ACIN1: variants seen among roughly 807,000 people sequenced by gnomAD.
ACIN1 encodes the protein apoptotic chromatin condensation inducer 1.
In ACIN1, 16 loss-of-function variants were observed where a neutral mutation model predicts 146.6. That is an observed-to-expected ratio of 0.11 (90% CI 0.07 to 0.17). The LOEUF (loss-of-function observed/expected upper bound fraction) is 0.17. Among genes scored for constraint, ACIN1 ranks in the 10% least tolerant of loss-of-function variants. The pLI is 1.00. For synonymous variants in ACIN1, 569 were observed against 582.7 expected (o/e 0.98, Z 0.34); for missense variants, 1,357 against 1,609.3 (o/e 0.84, Z 2.68).
At chr14:23,075,545 A>T (rs2047777175) in intron 8 of ACIN1, among the ~76,000 whole-genome samples, 1 of 152,064 alleles carries the variant, frequency 6.6e-6, no homozygotes, top group Non-Finnish European at 1.5e-5. Flanking sequence ...AATGGATTTA[A>T]CCAAACACAG....
In ACIN1 at chr14:23,058,792, C is replaced by T; in HGVS notation, c.*356G>A. 3.3e-6 allele frequency: 1 copy of T among 304,556 alleles called. No homozygotes were observed. The highest frequency in any genetic ancestry group is 6.2e-6 in the Non-Finnish European group (1 of 161,932). 18.9% of individuals were successfully genotyped at this position (304,556 alleles called of 1,614,324 possible). A position where few individuals can be genotyped will look rare whatever the true frequency, so the allele number is the denominator to read the frequency against. ...TGACCCAGTCCTGGCCCCGGCTGTT[C>T]CCAAGAGAAGGCTGTAAGTACCCAG... On this transcript the variant is annotated 3_prime_UTR_variant, in exon 19 of 19. Coordinates refer to ENST00000605057, the MANE Select transcript of ACIN1 (RefSeq NM_001386863.1).
At chr14:23,084,268 C>T (rs924646011) in intron 4 of ACIN1, among the ~76,000 whole-genome samples, 7 of 152,024 alleles carry the variant, frequency 4.6e-5, no homozygotes, top group African/African-American at 1.7e-4. Context: ...TATATCCTTA[C>T]AATCTAAAAT....
chr14:23,058,793 C>G lies in ACIN1; in HGVS notation c.*355G>C. The G allele has an allele frequency of 6.6e-6, 2 of 304,862 alleles. No homozygotes were observed. The highest frequency in any genetic ancestry group is 6.2e-6 in the Non-Finnish European group (1 of 162,118). 18.9% of individuals were successfully genotyped at this position (304,862 alleles called of 1,614,324 possible). A position where few individuals can be genotyped will look rare whatever the true frequency, so the allele number is the denominator to read the frequency against. On this transcript the variant is annotated 3_prime_UTR_variant, in exon 19 of 19. Transcript: ENST00000605057. ...GACCCAGTCCTGGCCCCGGCTGTTC[C>G]CAAGAGAAGGCTGTAAGTACCCAGG... is the stretch of plus-strand genomic sequence containing the variant.
intron 3 of ACIN1, 125 bp from the exon 4 acceptor site, chr14:23,090,226 G>A (rs1035195236): frequency 3.8e-5 from 51 of 1,333,478 alleles, no homozygotes; most frequent in South Asian, 1.1e-4. Flanking sequence ...AAAGAGCACC[G>A]TATAAAAAGA....
chr14:23,089,348 C>T (rs1274860288), intron 4 of ACIN1, among the ~76,000 whole-genome samples: 1 of 152,126 alleles, frequency 6.6e-6, no homozygotes, highest in African/African-American at 2.4e-5. Flanking sequence ...GCGACCACAC[C>T]CAGTCTGGGT....
chr14:23,069,168 A>T (rs551627707), intron 9 of ACIN1: 2 of 1,064,796 alleles, frequency 1.9e-6, no homozygotes, highest in South Asian at 8.7e-5. Context: ...TTGGGAAGAC[A>T]GCAGGAAAAG....
At chr14:23,091,714 C>T (rs1455524083) in intron 2 of ACIN1, among the ~76,000 whole-genome samples, 10 of 151,550 alleles carry the variant, frequency 6.6e-5, no homozygotes. Flanking sequence ...ACCTCCGCCT[C>T]CTGGGTTCAA....
intron 4 of ACIN1, among the ~76,000 whole-genome samples, chr14:23,082,178 AGT>A (rs1469602077): frequency 6.6e-6 from 1 of 152,198 alleles, no homozygotes; most frequent in Admixed American, 6.5e-5. Flanking sequence ...ATTTCTACAA[AGT>A]GTTCTTACTC....
chr14:23,061,971 C>CAAAAAA (rs57962360), intron 16 of ACIN1, among the ~76,000 whole-genome samples, 197 bp downstream of exon 16: 1,855 of 59,026 alleles, frequency 0.031, 63 homozygotes, highest in Non-Finnish European at 0.047. Context: ...GACTCTGTCT[C>CAAAAAA]AAAAAAAAAA....
intron 5 of ACIN1, among the ~76,000 whole-genome samples, 157 bp from the exon 6 acceptor site, chr14:23,080,966 T>C (rs987531940): frequency 6.6e-6 from 1 of 152,024 alleles, no homozygotes; most frequent in African/African-American, 2.4e-5. Flanking sequence ...ATGACTAACG[T>C]AGCCCTTAGG....
At position 23,064,503 on chromosome 14, in the gene ACIN1, T is replaced by C. The variant is rs560246932; in HGVS notation, c.2309-15A>G. 31 of 1,613,520 alleles carry C rather than the reference T, an allele frequency of 1.9e-5. No individual in the cohort carries two copies. The highest frequency in any genetic ancestry group is 1.7e-4 in the Middle Eastern group (1 of 6,052). Reference sequence around the variant, plus strand: ...CTTGGTAGCTGCTGTCCCCAAGAAATAGACCCAACAGTTAGATGGTCTCAG... The same window carrying C: ...CTTGGTAGCTGCTGTCCCCAAGAAACAGACCCAACAGTTAGATGGTCTCAG... On this transcript the variant is annotated splice_polypyrimidine_tract_variant and intron_variant, in intron 10 of 18. Transcript: ENST00000605057.
intron 4 of ACIN1, among the ~76,000 whole-genome samples, chr14:23,086,669 G>A (rs112025740): frequency 3.4e-4 from 52 of 152,084 alleles, no homozygotes; most frequent in Non-Finnish European, 6.5e-4. Context: ...CTATTTTTTT[G>A]TACAGATAGG....
intron 4 of ACIN1, 91 bp from the exon 5 acceptor site, chr14:23,081,927 T>G (rs2047953475): frequency 2.1e-6 from 2 of 945,364 alleles, no homozygotes; most frequent in Non-Finnish European, 3.2e-6. Flanking sequence ...TCCAACCAAT[T>G]ATAGCATATG....
At chr14:23,094,649 G>T in intron 1 of ACIN1, 1 of 808,234 alleles carries the variant, frequency 1.2e-6, no homozygotes, top group Non-Finnish European at 1.7e-6. Flanking sequence ...GTTGTAGTGG[G>T]ATTTAACTCC....
chr14:23,064,282 C>T (rs773018856), intron 11 of ACIN1, 25 bp from the exon 12 acceptor site: 18 of 1,613,836 alleles, frequency 1.1e-5, no homozygotes, highest in Middle Eastern at 1.6e-4. Context: ...CCCCCCACCC[C>T]GTTACACTGG....
intron 8 of ACIN1, among the ~76,000 whole-genome samples, chr14:23,077,049 C>G (rs1157591891): frequency 6.6e-6 from 1 of 152,212 alleles, no homozygotes; most frequent in Non-Finnish European, 1.5e-5. Context: ...AGAGGTAAGA[C>G]TGTCAGAATC....
In ACIN1 at chr14:23,083,065, G is replaced by GA. The variant is rs1432164165; in HGVS notation, c.437-1230dup. Among the ~76,000 whole-genome samples, 64 of 148,892 alleles carry GA rather than the reference G, an allele frequency of 4.3e-4. No homozygotes were observed. The East Asian group carries it at 0.011, about 25-fold the overall frequency. ...AGGTGAGATTTTTTTTTTTTTTAAG[G>GA]AAAAAAAAAGTTCTATTAAAAAGCT... On this transcript the variant is annotated intron_variant, in intron 4 of 18. Transcript: ENST00000605057.
chr14:23,094,616 C>T, intron 1 of ACIN1: 1 of 1,027,644 alleles, frequency 9.7e-7, no homozygotes, highest in South Asian at 2.8e-5. Flanking sequence ...CAACTCGCCC[C>T]CCTCAGGCCA....
At chr14:23,085,150 G>A (rs2048056107) in intron 4 of ACIN1, among the ~76,000 whole-genome samples, 1 of 151,882 alleles carries the variant, frequency 6.6e-6, no homozygotes, top group South Asian at 2.1e-4. Context: ...AGACCATGGT[G>A]AAACCCCGTC....
Sources: gnomAD v4.1 joint callset for allele counts (sites outside exome capture counted in the v4.1 genomes callset) on GRCh38, gnomAD v4.1.1 for gene constraint, MANE v1.5 for transcripts, NCBI Gene and HGNC (gene_info 2026-07-23, HGNC 2026-07-21) for gene names.